The following CACNA1C variants were observed in gnomAD, a reference collection of about 807,000 sequenced individuals.
The protein encoded by CACNA1C is voltage-dependent L-type calcium channel subunit alpha-1C.
In CACNA1C, 30 loss-of-function variants were observed where a neutral mutation model predicts 229.0. The observed-to-expected ratio is 0.13, with a 90% confidence interval of 0.10 to 0.18. CACNA1C has a LOEUF of 0.18. Ranked by LOEUF, CACNA1C falls within the 10% of genes least tolerant of loss-of-function variation. The pLI, the probability that CACNA1C is intolerant of heterozygous loss-of-function variation, is 1.00. For synonymous variants in CACNA1C, 1,114 were observed against 1,132.5 expected, an observed-to-expected ratio of 0.98 and a Z score of 0.33; for missense variants, 1,658 against 2,845.0, an observed-to-expected ratio of 0.58 and a Z score of 9.49.
chr12:2,155,079 C>T (rs1357906585), intron 3 of CACNA1C, among the ~76,000 whole-genome samples: 1 of 152,180 alleles, frequency 6.6e-6, no homozygotes, highest in Non-Finnish European at 1.5e-5. Context: ...ACTCTCCTAA[C>T]ACAGACATAA....
chr12:2,071,168 C>CCTG (rs1445282288), intron 1 of CACNA1C, among the ~76,000 whole-genome samples: 604 of 12,540 alleles, frequency 0.048, 129 homozygotes, highest in Non-Finnish European at 0.082. Flanking sequence ...CTCCCTCCCT[C>CCTG]CCTCCCTGCC....
chr12:2,688,692 A>G lies in CACNA1C; in HGVS notation c.6030A>G (p.Arg2010=), dbSNP rs372555640. The change falls in exon 46 of 47, where the codon AGA becomes AGG. Residue 2010 remains arginine, a synonymous_variant. Transcript: ENST00000399655. ...GCGGGGGCAGCAGCGCCGCCCGGAG[A>G]GTCCGGCCCGTCTCCCTCATGGTGC... is the stretch of plus-strand genomic sequence containing the variant. ...PGGGGSSAAR[R]VRPVSLMVPS... 5 of 1,612,196 alleles carry G rather than the reference A, an allele frequency of 3.1e-6. No homozygotes were observed. In the African/African-American group the frequency reaches 6.7e-5, roughly 22 times the overall value.
intron 1 of CACNA1C, 83 bp from the exon 2 acceptor site, chr12:2,115,141 T>C (rs1393084028): frequency 8.9e-7 from 1 of 1,118,320 alleles, no homozygotes; most frequent in African/African-American, 1.6e-5. Context: ...TTGAAAAAAT[T>C]GTGAATCTGG....
At chr12:2,626,181 C>A (rs1405001296) in intron 29 of CACNA1C, among the ~76,000 whole-genome samples, 1 of 152,230 alleles carries the variant, frequency 6.6e-6, no homozygotes. Flanking sequence ...CTGGGCATGG[C>A]TCCCTCCCCC....
At chr12:2,035,150 C>G (rs894970104) in intron 1 of CACNA1C, among the ~76,000 whole-genome samples, 2 of 152,160 alleles carry the variant, frequency 1.3e-5, no homozygotes, top group South Asian at 2.1e-4. Context: ...CGCGTGTGCC[C>G]GGGCCCTCCG....
At chr12:2,437,465 T>C (rs1380043235) in intron 3 of CACNA1C, among the ~76,000 whole-genome samples, 2 of 152,260 alleles carry the variant, frequency 1.3e-5, no homozygotes, top group African/African-American at 4.8e-5. Flanking sequence ...ATTCTGGCTC[T>C]ACCACCTACT....
intron 1 of CACNA1C, among the ~76,000 whole-genome samples, chr12:2,060,222 C>G (rs915589324): frequency 2.0e-5 from 3 of 152,152 alleles, no homozygotes; most frequent in Non-Finnish European, 4.4e-5. Context: ...GGAAGCCGGG[C>G]TGTGCTGTGG....
chr12:2,413,716 C>G (rs576682968), intron 3 of CACNA1C, among the ~76,000 whole-genome samples: 31 of 152,314 alleles, frequency 2.0e-4, no homozygotes, highest in African/African-American at 7.5e-4. Flanking sequence ...GTCCCCAAAG[C>G]CAACCTGACC....
chr12:2,575,966 C>A lies in CACNA1C; in HGVS notation c.1896-5624C>A, dbSNP rs4765700. 0.77 allele frequency among the ~76,000 whole-genome samples: 117,824 copies of A among 152,048 alleles called. 45,918 individuals are homozygous for A. The highest frequency in any genetic ancestry group is 0.93 in the East Asian group (4,825 of 5,164). ...CCAAACCCAGAGACAGACCTAGAGA[C>A]GGGGAAACAAATGGAGATAAAAGGA... On this transcript the variant is annotated intron_variant, in intron 13 of 46. Coordinates refer to ENST00000399655, the MANE Select transcript of CACNA1C (RefSeq NM_000719.7). This position sits in a 1 kb window ranked among gnomAD's most constrained non-coding sequence, Gnocchi z 4.0.
chr12:2,560,466 G>T (rs4765962), intron 11 of CACNA1C, among the ~76,000 whole-genome samples: 13 of 152,116 alleles, frequency 8.5e-5, no homozygotes, highest in East Asian at 1.9e-4. Context: ...TGGTAATCCA[G>T]GTTTTCACTT....
chr12:2,015,527 A>T (rs886212530), intron 1 of CACNA1C, among the ~76,000 whole-genome samples: 4 of 152,230 alleles, frequency 2.6e-5, no homozygotes. Flanking sequence ...GAAGAGACTG[A>T]AGCACAGAGA....
chr12:2,626,231 GCT>G (rs1216708940), intron 29 of CACNA1C, among the ~76,000 whole-genome samples: 1 of 152,240 alleles, frequency 6.6e-6, no homozygotes, highest in African/African-American at 2.4e-5. Context: ...GCGTACCTGT[GCT>G]CTCTCCAGGA....
intron 5 of CACNA1C, among the ~76,000 whole-genome samples, chr12:2,482,485 CAT>C (rs1171586745): frequency 6.6e-6 from 1 of 152,216 alleles, no homozygotes; most frequent in Non-Finnish European, 1.5e-5. Flanking sequence ...TCATCAGAAA[CAT>C]ATGGTTACAA....
chr12:2,650,883 T>C (rs569049355), intron 31 of CACNA1C, among the ~76,000 whole-genome samples: 1 of 152,200 alleles, frequency 6.6e-6, no homozygotes, highest in African/African-American at 2.4e-5. Context: ...CCCCTCTCCC[T>C]TCCAGGGTCT....
intron 30 of CACNA1C, among the ~76,000 whole-genome samples, chr12:2,643,312 C>G (rs533401267): frequency 1.3e-5 from 2 of 152,362 alleles, no homozygotes; most frequent in East Asian, 3.9e-4. Context: ...TAGCTTTATC[C>G]TGGTGCGTTC....
Position 2,565,331 on chromosome 12 carries a change from G to A in CACNA1C, c.1509-1091G>A, listed in dbSNP as rs957426338. Among the ~76,000 whole-genome samples the A allele has an allele frequency of 3.3e-5, 5 of 151,964 alleles. No individual in the cohort carries two copies. The South Asian group carries it at 8.3e-4, about 25-fold the overall frequency. On this transcript the variant is annotated intron_variant, in intron 11 of 46. Transcript: ENST00000399655. ...AAATACAAAAAATTAGCCGGGCGCGGTGGCGGGCGCCTGTAGTCCCAGCTA... is the reference window on the plus strand; with the variant it reads ...AAATACAAAAAATTAGCCGGGCGCGATGGCGGGCGCCTGTAGTCCCAGCTA...
rs150007528 is a variant in CACNA1C, at chr12:2,653,322, G to A, written c.4075-513G>A. 4.6e-3 allele frequency among the ~76,000 whole-genome samples: 695 copies of A among 152,292 alleles called. 11 individuals are homozygous for A. The highest frequency in any genetic ancestry group is 0.016 in the African/African-American group (672 of 41,550). On this transcript the variant is annotated intron_variant, in intron 32 of 46. Coordinates refer to ENST00000399655, the MANE Select transcript of CACNA1C (RefSeq NM_000719.7). This position sits in a 1 kb window ranked among gnomAD's most constrained non-coding sequence, Gnocchi z 4.7. The stretch of plus-strand genomic sequence containing the variant: ...CCCCAACCCTCACAGATAGAAAGTG[G>A]CAGAAACAGGATTTGAACCCATGAT...
intron 1 of CACNA1C, among the ~76,000 whole-genome samples, chr12:2,008,986 C>G (rs1478523072): frequency 6.6e-6 from 1 of 152,148 alleles, no homozygotes; most frequent in African/African-American, 2.4e-5. Flanking sequence ...TACTAAGTTG[C>G]AGGCTCGATA....
intron 38 of CACNA1C, among the ~76,000 whole-genome samples, chr12:2,674,042 C>T (rs1413407737): frequency 2.0e-5 from 3 of 152,238 alleles, no homozygotes; most frequent in Non-Finnish European, 2.9e-5. Context: ...TAGGGGAACT[C>T]GGGACAGAGC....
Sources: gnomAD v4.1 joint callset for allele counts (sites outside exome capture counted in the v4.1 genomes callset) on GRCh38, gnomAD v4.1.1 for gene constraint, Gnocchi (gnomAD v3.1) non-coding constraint, MANE v1.5 for transcripts, NCBI Gene and HGNC (gene_info 2026-07-23, HGNC 2026-07-21) for gene names.